GLG1: variants seen among roughly 807,000 people sequenced by gnomAD.
GLG1 encodes golgi glycoprotein 1.
In GLG1, 38 loss-of-function variants were observed where a neutral mutation model predicts 160.5. The observed-to-expected ratio is 0.24, with a 90% CI of 0.18 to 0.31. GLG1 has a LOEUF of 0.31. Ranked by LOEUF, GLG1 falls within the 10% of genes least tolerant of loss-of-function variation. The probability of loss-of-function intolerance (pLI) is 1.00; values close to 1 mark genes in which losing one functional copy is unlikely to be tolerated. For synonymous variants in GLG1, 644 were observed against 543.4 expected, an observed-to-expected ratio of 1.19 and a Z score of -2.57; for missense variants, 1,373 against 1,505.2, an observed-to-expected ratio of 0.91 and a Z score of 1.45.
intron 12 of GLG1, among the ~76,000 whole-genome samples, chr16:74,476,214 T>C (rs1479744148): frequency 6.6e-6 from 1 of 152,138 alleles, no homozygotes. Flanking sequence ...TAAGTTTAGC[T>C]TCTCCATGAC....
chr16:74,466,042 C>A (rs1191757366), intron 18 of GLG1, among the ~76,000 whole-genome samples: 3 of 152,160 alleles, frequency 2.0e-5, no homozygotes, highest in Admixed American at 6.5e-5. Context: ...GTGCTCCAGC[C>A]TAATGGAAAA....
intron 13 of GLG1, chr16:74,472,992 G>A (rs1272806662): frequency 6.5e-6 from 1 of 155,014 alleles, no homozygotes; most frequent in Non-Finnish European, 1.4e-5. Flanking sequence ...AATGAGAGAA[G>A]GCAATGAACT....
intron 24 of GLG1, 135 bp downstream of exon 24, chr16:74,457,739 C>G (rs972498747): frequency 1.3e-5 from 9 of 715,828 alleles, no homozygotes; most frequent in Non-Finnish European, 2.0e-5. Context: ...CCCAGGTCCC[C>G]AGGGAATGTT....
intron 19 of GLG1, 34 bp from the exon 20 acceptor site, chr16:74,463,513 TA>T: frequency 1.2e-6 from 2 of 1,607,786 alleles, no homozygotes; most frequent in Non-Finnish European, 1.7e-6. Flanking sequence ...AACAGCTATC[TA>T]AACATGGCGA....
rs1958588223 is a variant in GLG1 at position 74,606,975 on chromosome 16, C to G, written c.120G>C (p.Gln40His). The G allele has an allele frequency of 3.1e-6, 5 of 1,607,894 alleles. No individual in the cohort carries two copies. The highest frequency in any genetic ancestry group is 4.2e-6 in the Non-Finnish European group (5 of 1,178,758). ...AGGACACAAAGTTGGCCCCGGGACC[C>G]TGGCCCTGGCTGTGGACGCCCTGGC... Reference protein sequence around the residue: ...LPGQGVHSQGQGPGANFVSFV... With the variant: ...LPGQGVHSQGHGPGANFVSFV... Residue 40 changes from glutamine to histidine, a missense_variant, in exon 1 of 26, where the codon CAG (glutamine) becomes CAC (histidine). Transcript: ENST00000422840.
chr16:74,459,741 G>T lies in GLG1; in HGVS notation c.3085C>A (p.Gln1029Lys). 6.2e-7 allele frequency: 1 copy of T among 1,611,276 alleles called. No individual in the cohort carries two copies. The highest frequency in any genetic ancestry group is 2.2e-5 in the East Asian group (1 of 44,858). Residue 1029 changes from glutamine to lysine, a missense_variant, in exon 23 of 26, where the codon CAG becomes AAG. Coordinates refer to ENST00000422840, the MANE Select transcript of GLG1 (RefSeq NM_001145667.2). ...TTGACCTTGAGGCACTCCTCCACCT[G>T]ACCTGTCTGCTCTTGGGCTGCTGCT... ...EEAAAQEQTG[Q>K]VEECLKVNLL...
chr16:74,603,945 T>C (rs1446309960), intron 1 of GLG1, among the ~76,000 whole-genome samples: 1 of 151,106 alleles, frequency 6.6e-6, no homozygotes, highest in Admixed American at 6.6e-5. Flanking sequence ...ACCCATGATA[T>C]ACTTGGCCTT....
intron 1 of GLG1, among the ~76,000 whole-genome samples, chr16:74,555,902 C>T (rs1415577563): frequency 6.6e-5 from 10 of 150,628 alleles, no homozygotes; most frequent in Admixed American, 5.3e-4. Context: ...TGTAGTGGCA[C>T]GATCATGGCT....
chr16:74,578,759 T>C (rs765448068), intron 1 of GLG1, among the ~76,000 whole-genome samples: 2 of 152,182 alleles, frequency 1.3e-5, no homozygotes, highest in African/African-American at 2.4e-5. Flanking sequence ...TGTAGATATA[T>C]TGATTCTGTG....
intron 1 of GLG1, among the ~76,000 whole-genome samples, chr16:74,589,582 T>C (rs927949997): frequency 1.3e-5 from 2 of 152,144 alleles, no homozygotes; most frequent in Admixed American, 6.6e-5. Context: ...CACTATTTAT[T>C]TGCGGGTGTG....
intron 2 of GLG1, among the ~76,000 whole-genome samples, chr16:74,513,280 T>G (rs1443946218): frequency 6.6e-6 from 1 of 152,050 alleles, no homozygotes; most frequent in Non-Finnish European, 1.5e-5. Flanking sequence ...ATACTTAGAA[T>G]AAAGTAATTA....
chr16:74,601,082 C>A (rs1324411422), intron 1 of GLG1, among the ~76,000 whole-genome samples: 1 of 152,046 alleles, frequency 6.6e-6, no homozygotes, highest in African/African-American at 2.4e-5. Flanking sequence ...TTGGCTCAAA[C>A]AAAACAATCA....
chr16:74,463,256 C>A, intron 20 of GLG1, 100 bp downstream of exon 20: 1 of 1,197,968 alleles, frequency 8.3e-7, no homozygotes, highest in Non-Finnish European at 1.2e-6. Flanking sequence ...TTAAAATTCC[C>A]AGGCAACAAA....
intron 8 of GLG1, among the ~76,000 whole-genome samples, chr16:74,488,457 G>A (rs1459943750): frequency 6.6e-6 from 1 of 152,020 alleles, no homozygotes; most frequent in African/African-American, 2.4e-5. Flanking sequence ...AATTTGACTG[G>A]GGATGGCTAC....
intron 1 of GLG1, among the ~76,000 whole-genome samples, chr16:74,548,898 AG>A (rs1211568534): frequency 6.6e-6 from 1 of 152,152 alleles, no homozygotes; most frequent in Non-Finnish European, 1.5e-5. Context: ...CAGGAGGCTG[AG>A]GCAGGAGAAT....
intron 1 of GLG1, among the ~76,000 whole-genome samples, chr16:74,591,348 G>T (rs1385844127): frequency 6.7e-6 from 1 of 149,250 alleles, no homozygotes; most frequent in Non-Finnish European, 1.5e-5. Flanking sequence ...AAAAATAAAG[G>T]CCTGGCACGG....
At chr16:74,454,248 C>T (rs1420660184) in intron 25 of GLG1, among the ~76,000 whole-genome samples, 3 of 151,856 alleles carry the variant, frequency 2.0e-5, no homozygotes, top group Non-Finnish European at 4.4e-5. Flanking sequence ...CGCTGTTGCC[C>T]AGGTTGGTGT....
intron 1 of GLG1, among the ~76,000 whole-genome samples, chr16:74,555,920 G>A (rs2018340116): frequency 1.3e-5 from 2 of 150,996 alleles, no homozygotes; most frequent in Non-Finnish European, 2.9e-5. Flanking sequence ...GCTCGCTGCA[G>A]CCTCACTCTT....
In GLG1 at chr16:74,467,860, A is replaced by G. The variant is rs1329710205; in HGVS notation, c.2437-12T>C. Reference sequence around the variant, plus strand: ...CGGATGTCCTCCGTCTGCATGAGGGAGCCAGCATGGAAAGGTGAGCTTGGT... The same window carrying G: ...CGGATGTCCTCCGTCTGCATGAGGGGGCCAGCATGGAAAGGTGAGCTTGGT... On this transcript the variant is annotated splice_polypyrimidine_tract_variant and intron_variant, in intron 17 of 25. Coordinates refer to ENST00000422840, the MANE Select transcript of GLG1 (RefSeq NM_001145667.2). 5 of 1,582,912 alleles carry G rather than the reference A, an allele frequency of 3.2e-6. No individual in the cohort carries two copies. Among genetic ancestry groups the G allele is most frequent in the Non-Finnish European group, 4.3e-6 (5 of 1,154,258 alleles).
Sources: gnomAD v4.1 joint callset for allele counts (sites outside exome capture counted in the v4.1 genomes callset) on GRCh38, gnomAD v4.1.1 for gene constraint, MANE v1.5 for transcripts, NCBI Gene and HGNC (gene_info 2026-07-23, HGNC 2026-07-21) for gene names.